SYT16: variants seen among roughly 807,000 people sequenced by gnomAD.
The protein encoded by SYT16 is synaptotagmin 16.
Under a neutral mutation model 61.4 loss-of-function variants are expected in SYT16, and 42 were observed. The ratio of observed to expected loss-of-function variants is 0.68; its 90% CI spans 0.53 to 0.89. The LOEUF (loss-of-function observed/expected upper bound fraction) is 0.89, where lower values mean the gene tolerates loss of function less well. Ranked by LOEUF, SYT16 falls within the 40% of genes least tolerant of loss-of-function variation. The pLI, the probability that SYT16 is intolerant of heterozygous loss-of-function variation, is 0.00. For synonymous variants in SYT16, 314 were observed against 302.3 expected, an observed-to-expected ratio of 1.04 and a Z score of -0.40; for missense variants, 804 against 807.3, an observed-to-expected ratio of 1.00 and a Z score of 0.05.
intron 1 of SYT16, among the ~76,000 whole-genome samples, chr14:61,838,036 T>G (rs1055009903): frequency 2.0e-5 from 3 of 152,240 alleles, no homozygotes; most frequent in Admixed American, 6.5e-5. Flanking sequence ...TTAGATAATG[T>G]GTGTTCAAAG....
intron 1 of SYT16, among the ~76,000 whole-genome samples, chr14:61,902,141 C>T (rs759196771): frequency 1.3e-5 from 2 of 152,176 alleles, no homozygotes; most frequent in Non-Finnish European, 2.9e-5. Context: ...CCAGTTGTAT[C>T]TTCCACCCTT....
At chr14:61,877,461 A>G (rs1322709337) in intron 1 of SYT16, among the ~76,000 whole-genome samples, 3 of 152,156 alleles carry the variant, frequency 2.0e-5, no homozygotes, top group Non-Finnish European at 4.4e-5. Flanking sequence ...GATCTTTCCA[A>G]AAAACACACA....
intron 1 of SYT16, among the ~76,000 whole-genome samples, chr14:61,937,446 C>T (rs1045134160): frequency 6.6e-6 from 1 of 152,174 alleles, no homozygotes; most frequent in Non-Finnish European, 1.5e-5. Flanking sequence ...ACTTACTTAG[C>T]TTTTAGATTT....
chr14:61,906,890 A>T (rs1226257565), intron 1 of SYT16, among the ~76,000 whole-genome samples: 1 of 152,182 alleles, frequency 6.6e-6, no homozygotes, highest in African/African-American at 2.4e-5. Flanking sequence ...TGAGGACACA[A>T]TGGTAAATGA....
At chr14:62,013,807 C>CA (rs1447469308) in intron 3 of SYT16, among the ~76,000 whole-genome samples, 12 of 151,762 alleles carry the variant, frequency 7.9e-5, no homozygotes, top group Non-Finnish European at 1.6e-4. Context: ...CTACAAAAAG[C>CA]AAAAAAATTA....
At chr14:61,950,231 T>C (rs1342014015) in intron 1 of SYT16, among the ~76,000 whole-genome samples, 1 of 152,206 alleles carries the variant, frequency 6.6e-6, no homozygotes, top group Non-Finnish European at 1.5e-5. Context: ...TTTACGTCTC[T>C]AAATTGGCCT....
At chr14:61,840,210 G>C (rs2046262128) in intron 1 of SYT16, among the ~76,000 whole-genome samples, 1 of 152,200 alleles carries the variant, frequency 6.6e-6, no homozygotes, top group African/African-American at 2.4e-5. Context: ...TGGAGGCCAA[G>C]ATAATGAATC....
chr14:61,830,473 C>T (rs1363698004), intron 1 of SYT16, among the ~76,000 whole-genome samples: 1 of 152,136 alleles, frequency 6.6e-6, no homozygotes, highest in Non-Finnish European at 1.5e-5. Flanking sequence ...AGAGTGTTAT[C>T]CATAGGTGAA....
chr14:62,047,800 C>T (rs2055064368), intron 3 of SYT16, among the ~76,000 whole-genome samples: 1 of 152,098 alleles, frequency 6.6e-6, no homozygotes, highest in Non-Finnish European at 1.5e-5. Flanking sequence ...TATGTTGAAC[C>T]AGCCTTGCAT....
At chr14:62,078,147 C>A (rs2056568331) in intron 5 of SYT16, among the ~76,000 whole-genome samples, 2 of 116,818 alleles carry the variant, frequency 1.7e-5, no homozygotes, top group African/African-American at 8.7e-5. Flanking sequence ...CGCTCTCTCT[C>A]TCTCTCTCTA....
chr14:61,936,813 C>T (rs976024607), intron 1 of SYT16, among the ~76,000 whole-genome samples: 3 of 152,180 alleles, frequency 2.0e-5, no homozygotes, highest in Admixed American at 6.5e-5. Context: ...CTTTTCATCA[C>T]CCTCAGGCTG....
At position 61,837,233 on chromosome 14, in the gene SYT16, A is replaced by ATT. The variant is rs1237212390; in HGVS notation, c.-325+24443_-325+24444dup. 9.4e-3 allele frequency among the ~76,000 whole-genome samples: 1,152 copies of ATT among 122,760 alleles called. 21 individuals are homozygous for ATT. The highest frequency in any genetic ancestry group is 0.029 in the African/African-American group (949 of 32,688). The allele number at this position is 122,760 out of a possible 152,430, so 80.5% of individuals were successfully genotyped here. A position where few individuals can be genotyped will look rare whatever the true frequency, so the allele number is the denominator to read the frequency against. On this transcript the variant is annotated intron_variant, in intron 1 of 7. Coordinates refer to ENST00000683842, the MANE Select transcript of SYT16 (RefSeq NM_001367656.1). Reference sequence around the variant, plus strand: ...ATTCTCCACTGAGTGGCAGAGGCTGATTTTTTTTTTTTTTTTTTTTTGAGA... The same window carrying ATT: ...ATTCTCCACTGAGTGGCAGAGGCTGATTTTTTTTTTTTTTTTTTTTTTTGAGA...
intron 2 of SYT16, among the ~76,000 whole-genome samples, chr14:61,986,076 A>T (rs2052294987): frequency 1.3e-5 from 2 of 152,180 alleles, no homozygotes; most frequent in Admixed American, 1.3e-4. Flanking sequence ...TTGAGTTCAT[A>T]AATAGTACAG....
chr14:61,961,733 A>G (rs1350364560), intron 1 of SYT16, among the ~76,000 whole-genome samples: 1 of 152,184 alleles, frequency 6.6e-6, no homozygotes, highest in Non-Finnish European at 1.5e-5. Flanking sequence ...CTTAAAACAG[A>G]ATTACCATTC....
At chr14:61,816,468 T>A (rs1022570349) in intron 1 of SYT16, among the ~76,000 whole-genome samples, 3 of 152,212 alleles carry the variant, frequency 2.0e-5, no homozygotes, top group African/African-American at 7.2e-5. Context: ...TTTCTAACCC[T>A]AGTCATTATT....
At chr14:62,074,024 G>C (rs938418350) in intron 4 of SYT16, among the ~76,000 whole-genome samples, 1 of 152,172 alleles carries the variant, frequency 6.6e-6, no homozygotes, top group Non-Finnish European at 1.5e-5. Flanking sequence ...CCACGCCCTT[G>C]TCCTGTCTAC....
chr14:61,820,469 GTTTTTTTTTTTTTTTT>G (rs71117856), intron 1 of SYT16, among the ~76,000 whole-genome samples: 8 of 61,082 alleles, frequency 1.3e-4, no homozygotes, highest in African/African-American at 4.9e-4. Flanking sequence ...CCTCTTCAGA[GTTTTTTTTTTTTTTTT>G]TTTTTTTTTT....
At chr14:61,989,652 C>G (rs1040113679) in intron 2 of SYT16, among the ~76,000 whole-genome samples, 1 of 152,314 alleles carries the variant, frequency 6.6e-6, no homozygotes, top group African/African-American at 2.4e-5. Flanking sequence ...TGAGATCTTA[C>G]TAGGATCTCA....
intron 3 of SYT16, among the ~76,000 whole-genome samples, chr14:62,015,497 C>G (rs1595160331): frequency 2.4e-5 from 2 of 84,760 alleles, no homozygotes; most frequent in African/African-American, 9.4e-5. Context: ...CTCCTCCCAA[C>G]ATTAATGAGG....
Sources: gnomAD v4.1 joint callset for allele counts (sites outside exome capture counted in the v4.1 genomes callset) on GRCh38, gnomAD v4.1.1 for gene constraint, MANE v1.5 for transcripts, NCBI Gene and HGNC (gene_info 2026-07-23, HGNC 2026-07-21) for gene names.